HECW2: variants seen among roughly 807,000 people sequenced by gnomAD.
The protein encoded by HECW2 is E3 ubiquitin-protein ligase HECW2.
Under a neutral mutation model 175.2 loss-of-function variants are expected in HECW2, and 61 were observed. The observed-to-expected ratio is 0.35, with a 90% CI of 0.28 to 0.43. HECW2 has a LOEUF of 0.43. Among genes scored for constraint, HECW2 ranks in the 20% least tolerant of loss-of-function variants. HECW2 has a pLI of 1.00. For synonymous variants in HECW2, 671 were observed against 731.0 expected, an observed-to-expected ratio of 0.92 and a Z score of 1.32; for missense variants, 1,524 against 2,000.5, an observed-to-expected ratio of 0.76 and a Z score of 4.54.
chr2:196,202,836 A>G (rs1686914215), intron 28 of HECW2, among the ~76,000 whole-genome samples: 1 of 152,146 alleles, frequency 6.6e-6, no homozygotes, highest in African/African-American at 2.4e-5. Context: ...TGGATTTCAG[A>G]TTTCTTTGGA....
intron 2 of HECW2, 54 bp downstream of exon 2, chr2:196,433,078 A>G (rs1050471278): frequency 2.0e-6 from 3 of 1,498,204 alleles, no homozygotes; most frequent in African/African-American, 1.4e-5. Context: ...AAAAATGTCA[A>G]ACTAAAAACT....
intron 2 of HECW2, among the ~76,000 whole-genome samples, chr2:196,346,388 C>G (rs1262608674): frequency 6.6e-6 from 1 of 152,152 alleles, no homozygotes; most frequent in African/African-American, 2.4e-5. Context: ...GGCTCCTTTA[C>G]ATGGTCCCTA....
chr2:196,387,568 C>T (rs774408766), intron 2 of HECW2, among the ~76,000 whole-genome samples: 1 of 152,142 alleles, frequency 6.6e-6, no homozygotes, highest in Non-Finnish European at 1.5e-5. Context: ...AGCCTAAAGT[C>T]TTCTGTTATG....
chr2:196,463,349 T>C (rs1696819932), intron 1 of HECW2, among the ~76,000 whole-genome samples: 1 of 148,184 alleles, frequency 6.7e-6, no homozygotes, highest in African/African-American at 2.5e-5. Flanking sequence ...ACAGATCCAA[T>C]GTAGATTCGT....
chr2:196,344,185 G>A (rs574263799), intron 2 of HECW2, among the ~76,000 whole-genome samples: 17 of 152,216 alleles, frequency 1.1e-4, no homozygotes, highest in Admixed American at 5.9e-4. Flanking sequence ...CAAAAGGGAC[G>A]TTAAGCTACG....
chr2:196,510,296 A>G (rs1177155151), intron 1 of HECW2, among the ~76,000 whole-genome samples: 2 of 152,218 alleles, frequency 1.3e-5, no homozygotes, highest in South Asian at 4.1e-4. Context: ...TCCTAGAACT[A>G]CTACATCAGG....
intron 1 of HECW2, among the ~76,000 whole-genome samples, chr2:196,534,800 G>A (rs1371928745): frequency 6.6e-6 from 1 of 152,160 alleles, no homozygotes; most frequent in Non-Finnish European, 1.5e-5. Flanking sequence ...TACTCCAGTG[G>A]CTTCACCTGG....
intron 10 of HECW2, among the ~76,000 whole-genome samples, chr2:196,313,961 C>T (rs1249285378): frequency 2.0e-5 from 3 of 152,024 alleles, no homozygotes; most frequent in Non-Finnish European, 2.9e-5. Flanking sequence ...CTCAGGAGGC[C>T]GAGGCAGGAG....
At chr2:196,512,582 G>T (rs1319592101) in intron 1 of HECW2, among the ~76,000 whole-genome samples, 1 of 151,816 alleles carries the variant, frequency 6.6e-6, no homozygotes, top group Non-Finnish European at 1.5e-5. Flanking sequence ...CATAGATGAG[G>T]TCTCACTATG....
intron 1 of HECW2, among the ~76,000 whole-genome samples, chr2:196,573,857 T>TCAA (rs201675414): frequency 1.4e-5 from 2 of 147,984 alleles, no homozygotes; most frequent in Non-Finnish European, 2.9e-5. Context: ...CCCTACAGAC[T>TCAA]CAACAACAAC....
At chr2:196,286,528 G>A (rs781502297) in intron 14 of HECW2, among the ~76,000 whole-genome samples, 1 of 151,964 alleles carries the variant, frequency 6.6e-6, no homozygotes, top group South Asian at 2.1e-4. Context: ...TCATAAAACC[G>A]ATCTCTGCTC....
chr2:196,435,119 G>A (rs1695832598), intron 1 of HECW2, among the ~76,000 whole-genome samples: 1 of 152,128 alleles, frequency 6.6e-6, no homozygotes, highest in African/African-American at 2.4e-5. Context: ...AAATAACTTG[G>A]ACAAGATATC....
At chr2:196,393,689 C>T (rs1694578665) in intron 2 of HECW2, among the ~76,000 whole-genome samples, 1 of 152,186 alleles carries the variant, frequency 6.6e-6, no homozygotes, top group Non-Finnish European at 1.5e-5. Flanking sequence ...AATAGGTACA[C>T]TTTTACACTG....
intron 2 of HECW2, among the ~76,000 whole-genome samples, chr2:196,354,455 T>C (rs937459812): frequency 3.9e-5 from 6 of 152,244 alleles, no homozygotes; most frequent in African/African-American, 1.4e-4. Flanking sequence ...GGTTCCACAC[T>C]GGAGTGCAAG....
chr2:196,298,371 C>G (rs1214453236), intron 13 of HECW2, among the ~76,000 whole-genome samples: 1 of 152,178 alleles, frequency 6.6e-6, no homozygotes, highest in Non-Finnish European at 1.5e-5. Flanking sequence ...AAAAAACCCA[C>G]AAAATTTTCT....
intron 1 of HECW2, among the ~76,000 whole-genome samples, chr2:196,589,063 G>C (rs1268757923): frequency 6.6e-6 from 1 of 152,150 alleles, no homozygotes; most frequent in African/African-American, 2.4e-5. Flanking sequence ...GCTGATGGTA[G>C]TGGTGCGTGC....
At position 196,242,125 on chromosome 2, in the gene HECW2, C is replaced by T. The variant is rs1168969784; in HGVS notation, c.3609G>A (p.Lys1203=). The T allele has an allele frequency of 1.9e-6, 3 of 1,614,074 alleles. No homozygotes were observed. In the Admixed American group the frequency reaches 5.0e-5, roughly 27 times the overall value. ...FEAKLRNFYR[K]LETKGYGQGP... ...CTTGTCCATATCCTTTAGTCTCTAA[C>T]TTCCTGTAAAAGTTCCTCAGTTTGG... The change falls in exon 20 of 29, where the codon AAG becomes AAA. Residue 1203 remains lysine (K), a synonymous_variant. Transcript: ENST00000644978.
At position 196,347,666 on chromosome 2, in the gene HECW2, G is replaced by A. The variant is rs1160266207; in HGVS notation, c.293-3902C>T. ...CAGAATGAGCTGACCCTGAGCAGAA[G>A]CTGGATGGGCCTGTTTTGATTACAG... On this transcript the variant is annotated intron_variant, in intron 2 of 28. Transcript: ENST00000644978. Among the ~76,000 whole-genome samples the A allele has an allele frequency of 2.6e-5, 4 of 152,226 alleles. 1 individual carries two copies. In the South Asian group the frequency reaches 6.2e-4, roughly 24 times the overall value.
At chr2:196,469,561 T>A (rs1697112178) in intron 1 of HECW2, among the ~76,000 whole-genome samples, 1 of 152,012 alleles carries the variant, frequency 6.6e-6, no homozygotes, top group Non-Finnish European at 1.5e-5. Flanking sequence ...ATAAAAAGTA[T>A]AGGGGTACTG....
Sources: allele counts gnomAD v4.1 joint callset (sites outside exome capture counted in the v4.1 genomes callset), GRCh38; gene constraint gnomAD v4.1.1; transcripts MANE v1.5; gene names NCBI Gene and HGNC (gene_info 2026-07-23, HGNC 2026-07-21).